The following RAI1 variants were observed in gnomAD, a reference collection of about 807,000 sequenced individuals.
RAI1 encodes retinoic acid induced 1.
Under a neutral mutation model 123.8 loss-of-function variants are expected in RAI1, and 9 were observed. The observed-to-expected ratio is 0.07, with a 90% CI of 0.04 to 0.13. The LOEUF (loss-of-function observed/expected upper bound fraction) is 0.13. Ranked by LOEUF, RAI1 falls within the 10% of genes least tolerant of loss-of-function variation. The pLI, the probability that RAI1 is intolerant of heterozygous loss-of-function variation, is 1.00. For synonymous variants in RAI1, 1,231 were observed against 1,127.3 expected, an observed-to-expected ratio of 1.09 and a Z score of -1.84; for missense variants, 2,256 against 2,545.8, an observed-to-expected ratio of 0.89 and a Z score of 2.45.
In RAI1 at chr17:17,714,334, G is replaced by T. The variant is rs971619578; in HGVS notation, c.-148-9694G>T. Among the ~76,000 whole-genome samples the T allele has an allele frequency of 1.3e-5, 2 of 152,074 alleles. No individual in the cohort carries two copies. The highest frequency in any genetic ancestry group is 1.3e-4 in the Admixed American group (2 of 15,272). On this transcript the variant is annotated intron_variant, in intron 1 of 5. Transcript: ENST00000353383. The surrounding 1 kb of genome is among the most constrained non-coding windows in gnomAD (Gnocchi z 4.9). ...CTGTGTCGGTGGTCATTCAGCTCTC[G>T]GGACAAAGCGTGGGTGGGCCTGTGC... is the stretch of plus-strand genomic sequence containing the variant.
rs1914598079 is a variant in RAI1, at chr17:17,685,508, G to A, written c.-149+3715G>A. 1.3e-5 allele frequency among the ~76,000 whole-genome samples: 2 copies of A among 152,232 alleles called. No homozygotes were observed. Among genetic ancestry groups the A allele is most frequent in the African/African-American group, 4.8e-5 (2 of 41,454 alleles). ...GCAGAGGGAACACAGTGAGCAGAGC[G>A]AGTCTTTGGAAGCTGGAAGGGATGT... On this transcript the variant is annotated intron_variant, in intron 1 of 5. Transcript: ENST00000353383. The surrounding 1 kb of genome is among the most constrained non-coding windows in gnomAD (Gnocchi z 4.0).
rs1360608417 is a variant in RAI1, at chr17:17,796,013, A to G, written c.3065A>G (p.Lys1022Arg). 8 of 1,596,116 alleles carry G rather than the reference A, an allele frequency of 5.0e-6. No homozygotes were observed. The highest frequency in any genetic ancestry group is 1.7e-4 in the Middle Eastern group (1 of 6,038). Residue 1022 changes from lysine (K) to arginine (R), a missense_variant, in exon 3 of 6, where the codon AAA becomes AGA. Lys to Arg is a conservative substitution (Grantham distance 26). Around this residue, in one of 7 missense-constraint regions of RAI1, gnomAD observed 566 missense variants for 616.0 expected, o/e 0.92. Coordinates refer to ENST00000353383, the MANE Select transcript of RAI1 (RefSeq NM_030665.4). This position sits in a 1 kb window ranked among gnomAD's most constrained non-coding sequence, Gnocchi z 5.8. Reference protein sequence around the residue: ...DSPCRAPVLPKDLLLPESCTG... With the variant: ...DSPCRAPVLPRDLLLPESCTG... The stretch of plus-strand genomic sequence containing the variant: ...CCATGCAGGGCACCAGTGCTGCCCA[A>G]AGACCTCTTGCTCCCTGAATCCTGC...
intron 4 of RAI1, among the ~76,000 whole-genome samples, chr17:17,808,374 ATATTT>A (rs1190166888): frequency 2.7e-5 from 4 of 146,946 alleles, no homozygotes; most frequent in South Asian, 2.1e-4. Flanking sequence ...ATTTTATTTT[ATATTT>A]TATTTTATTA....
intron 2 of RAI1, among the ~76,000 whole-genome samples, chr17:17,725,114 G>C (rs1251365941): frequency 6.6e-6 from 1 of 151,554 alleles, no homozygotes; most frequent in Non-Finnish European, 1.5e-5. Flanking sequence ...ACCTGGGATG[G>C]CGCCGGGGCA....
chr17:17,796,133 C>T lies in RAI1; in HGVS notation c.3185C>T (p.Ala1062Val), dbSNP rs1342686154. ...AGGATGTGTACTCGTTCTCTCACGG[C>T]CCTGAGTGAGCCCCGCACGCCCGGA... ...LPRMCTRSLT[A>V]LSEPRTPGPP... Residue 1062 changes from alanine (A) to valine (V), a missense_variant, in exon 3 of 6, where the codon GCC (alanine) becomes GTC (valine). This residue lies in a region of RAI1 where 566 missense variants were observed against 616.0 expected (regional missense o/e 0.92). Coordinates refer to ENST00000353383, the MANE Select transcript of RAI1 (RefSeq NM_030665.4). The surrounding 1 kb of genome is among the most constrained non-coding windows in gnomAD (Gnocchi z 5.8). The T allele has an allele frequency of 1.9e-6, 3 of 1,579,170 alleles. No individual in the cohort carries two copies. The highest frequency in any genetic ancestry group is 2.6e-6 in the Non-Finnish European group (3 of 1,161,274).
At chr17:17,802,618 TA>T in intron 3 of RAI1, among the ~76,000 whole-genome samples, 1 of 151,648 alleles carries the variant, frequency 6.6e-6, no homozygotes, top group East Asian at 2.0e-4. Flanking sequence ...CTACTAAAAA[TA>T]CAAAAAATTA....
chr17:17,785,403 C>G (rs147461336), intron 2 of RAI1, among the ~76,000 whole-genome samples: 17 of 152,360 alleles, frequency 1.1e-4, no homozygotes, highest in African/African-American at 4.1e-4. Flanking sequence ...GACATCGACT[C>G]TGGGGCCAGT....
chr17:17,681,787 C>A lies in RAI1; in HGVS notation c.-155C>A. ...CCCAAGGCCCCCGAGTGAGCGCGGG[C>A]GCCGAGGTGAGCAGCGAGCGCCGGG... On this transcript the variant is annotated 5_prime_UTR_variant, in exon 1 of 6. Coordinates refer to ENST00000353383, the MANE Select transcript of RAI1 (RefSeq NM_030665.4). The A allele has an allele frequency of 3.1e-6, 1 of 325,084 alleles. No homozygotes were observed. The highest frequency in any genetic ancestry group is 5.6e-6 in the Non-Finnish European group (1 of 177,950). 20.1% of individuals were successfully genotyped at this position (325,084 alleles called of 1,614,324 possible).
intron 2 of RAI1, among the ~76,000 whole-genome samples, chr17:17,755,261 G>A (rs1482610487): frequency 3.3e-5 from 5 of 152,242 alleles, no homozygotes; most frequent in African/African-American, 1.2e-4. Flanking sequence ...GTGTAATACA[G>A]CTCTATGGAA....
intron 2 of RAI1, among the ~76,000 whole-genome samples, chr17:17,758,868 T>C (rs1288963031): frequency 6.6e-6 from 1 of 152,098 alleles, no homozygotes; most frequent in Non-Finnish European, 1.5e-5. Flanking sequence ...CCCAGGGGTA[T>C]GAAGCTGCCC....
At chr17:17,757,189 G>T (rs2030472309) in intron 2 of RAI1, among the ~76,000 whole-genome samples, 2 of 152,208 alleles carry the variant, frequency 1.3e-5, no homozygotes, top group South Asian at 4.1e-4. Flanking sequence ...TTATAAGTGG[G>T]GACAGCTGTG....
At chr17:17,792,332 CGCGCGTGTGTGTGT>C (rs1329686064) in intron 2 of RAI1, among the ~76,000 whole-genome samples, 2 of 151,366 alleles carry the variant, frequency 1.3e-5, no homozygotes, top group Non-Finnish European at 2.9e-5. Flanking sequence ...TGTGTGTGTG[CGCGCGTGTGTGTGT>C]GAGCATACAT....
intron 2 of RAI1, among the ~76,000 whole-genome samples, chr17:17,742,821 G>A (rs1258977259): frequency 1.3e-5 from 2 of 152,064 alleles, no homozygotes; most frequent in South Asian, 2.1e-4. Flanking sequence ...GGGGCCCCTC[G>A]GCCATCCCTG....
rs367634460 is a variant in RAI1, at chr17:17,795,783, T to G, written c.2835T>G (p.Ser945=). ...AGGTCCAGAGCTGGTTTGAGTCCTC[T>G]CTGTCACACATGAAGCCAGGTGAAG... is the stretch of plus-strand genomic sequence containing the variant. ...ESKVQSWFES[S]LSHMKPGEEG... The change falls in exon 3 of 6, where the codon TCT becomes TCG. Residue 945 remains serine, a synonymous_variant. Coordinates refer to ENST00000353383, the MANE Select transcript of RAI1 (RefSeq NM_030665.4). This position sits in a 1 kb window ranked among gnomAD's most constrained non-coding sequence, Gnocchi z 5.9. 2 of 1,613,534 alleles carry G rather than the reference T, an allele frequency of 1.2e-6. No homozygotes were observed. Among genetic ancestry groups the G allele is most frequent in the Non-Finnish European group, 1.7e-6 (2 of 1,180,028 alleles).
At chr17:17,780,866 G>C (rs1462999544) in intron 2 of RAI1, among the ~76,000 whole-genome samples, 1 of 152,204 alleles carries the variant, frequency 6.6e-6, no homozygotes, top group Non-Finnish European at 1.5e-5. Context: ...TTAGGAGGCT[G>C]TGTCCCTGTC....
chr17:17,687,183 C>A (rs929496156), intron 1 of RAI1, among the ~76,000 whole-genome samples: 3 of 152,080 alleles, frequency 2.0e-5, no homozygotes, highest in Non-Finnish European at 4.4e-5. Context: ...AGTGATCAGG[C>A]TGGGGGAGAG....
chr17:17,720,225 A>G (rs1915837037), intron 1 of RAI1, among the ~76,000 whole-genome samples: 1 of 152,190 alleles, frequency 6.6e-6, no homozygotes, highest in African/African-American at 2.4e-5. Flanking sequence ...CACTTGCATG[A>G]AAGCAGCTAT....
intron 2 of RAI1, among the ~76,000 whole-genome samples, chr17:17,790,772 C>G (rs1180635694): frequency 6.6e-6 from 1 of 152,208 alleles, no homozygotes; most frequent in East Asian, 1.9e-4. Context: ...TTTGCACATT[C>G]TGGGCTCATA....
intron 1 of RAI1, among the ~76,000 whole-genome samples, chr17:17,702,064 C>T (rs572619526): frequency 2.6e-4 from 40 of 152,378 alleles, no homozygotes; most frequent in African/African-American, 8.9e-4. Context: ...TAAGCTCAGC[C>T]TGGAAGGAAG....
Sources: gnomAD v4.1 joint callset for allele counts (sites outside exome capture counted in the v4.1 genomes callset) on GRCh38, gnomAD v4.1.1 for gene constraint, gnomAD v4.1.1 regional missense constraint, Gnocchi (gnomAD v3.1) non-coding constraint, MANE v1.5 for transcripts, NCBI Gene and HGNC (gene_info 2026-07-23, HGNC 2026-07-21) for gene names.